The following FAM20C variants were observed in gnomAD, a reference collection of about 807,000 sequenced individuals.
The protein encoded by FAM20C is extracellular serine/threonine protein kinase FAM20C.
A neutral mutation model predicts 51.5 loss-of-function variants in FAM20C; 40 were observed. That is an observed-to-expected ratio of 0.78 (90% confidence interval 0.60 to 1.01). FAM20C has a LOEUF of 1.01. Ranked by LOEUF, FAM20C falls within the 50% of genes least tolerant of loss-of-function variation. The pLI is 0.00. For synonymous variants in FAM20C, 406 were observed against 380.6 expected, an observed-to-expected ratio of 1.07 and a Z score of -0.78; for missense variants, 861 against 844.7, an observed-to-expected ratio of 1.02 and a Z score of -0.24.
chr7:247,430 C>T (rs942411129), intron 4 of FAM20C, among the ~76,000 whole-genome samples: 41 of 152,294 alleles, frequency 2.7e-4, no homozygotes, highest in African/African-American at 9.1e-4. Context: ...GCCTGGGGTG[C>T]GGCCCCAGGG....
At chr7:233,616 C>G (rs1393100567) in intron 3 of FAM20C, among the ~76,000 whole-genome samples, 2 of 152,180 alleles carry the variant, frequency 1.3e-5, no homozygotes, top group African/African-American at 4.8e-5. Context: ...GGTCCCTCCT[C>G]CATCCTGAGA....
At chr7:222,809 A>G (rs28729694) in intron 3 of FAM20C, among the ~76,000 whole-genome samples, 132,926 of 152,000 alleles carry the variant, frequency 0.87, 58,398 homozygotes, top group South Asian at 0.92. Context: ...CTGTGTATGC[A>G]TGTGTATGAG....
At position 193,301 on chromosome 7, in the gene FAM20C, G is replaced by T. The variant is rs1222374540; in HGVS notation, c.102G>T (p.Glu34Asp). Residue 34 changes from glutamate to aspartate, a missense_variant, in exon 1 of 10, where the codon GAG becomes GAT. Transcript: ENST00000313766. ...CCCTGGACCTGCTGCCCAGGCTGGA[G>T]CGACGCGGCGCGCGGCCCTCGGGGG... ...HIALDLLPRL[E>D]RRGARPSGEP... The T allele has an allele frequency of 7.1e-7, 1 of 1,411,378 alleles. No individual in the cohort carries two copies. The highest frequency in any genetic ancestry group is 2.5e-5 in the Admixed American group (1 of 40,816). The allele number at this position is 1,411,378 out of a possible 1,614,324, so 87.4% of individuals were successfully genotyped here.
In FAM20C at chr7:209,975, C is replaced by G. The variant is rs143304143; in HGVS notation, c.863+999C>G. Among the ~76,000 whole-genome samples, 374 of 152,166 alleles carry G rather than the reference C, an allele frequency of 2.5e-3. 1 individual carries two copies. Among genetic ancestry groups the G allele is most frequent in the African/African-American group, 8.3e-3 (344 of 41,514 alleles). On this transcript the variant is annotated intron_variant, in intron 3 of 9. Coordinates refer to ENST00000313766, the MANE Select transcript of FAM20C (RefSeq NM_020223.4). ...AGGTGGCCCTGCCCCGGTCTTCCCC[C>G]AAGACCCACGAGTCCTGCCTCAGAC...
chr7:252,624 T>G (rs150710901), intron 5 of FAM20C, among the ~76,000 whole-genome samples: 1 of 152,126 alleles, frequency 6.6e-6, no homozygotes, highest in African/African-American at 2.4e-5. Flanking sequence ...AAAGGGAAAA[T>G]CCCATCAGCC....
chr7:244,418 C>G (rs980738667), intron 3 of FAM20C, among the ~76,000 whole-genome samples: 21 of 152,200 alleles, frequency 1.4e-4, no homozygotes, highest in Admixed American at 1.4e-3. Context: ...CTGACTGCAG[C>G]GGACCATTTG....
At chr7:209,701 G>A (rs28726090) in intron 3 of FAM20C, among the ~76,000 whole-genome samples, 31,737 of 152,186 alleles carry the variant, frequency 0.21, 4,086 homozygotes, top group African/African-American at 0.35. Context: ...CCAGCGGCCT[G>A]TCAGCTCACT....
At position 260,004 on chromosome 7, in the gene FAM20C, CG is replaced by C. The variant is rs1562403471; in HGVS notation, c.*27del. ...AGTGTCCGCCGGCCGCTGCGCTGCC[CG>C]GGACGGAGACAGAGGCGCCGGACCT... On this transcript the variant is annotated 3_prime_UTR_variant, in exon 10 of 10. Transcript: ENST00000313766. 1.3e-6 allele frequency: 2 copies of C among 1,489,946 alleles called. No individual in the cohort carries two copies. The highest frequency in any genetic ancestry group is 1.8e-6 in the Non-Finnish European group (2 of 1,116,844). The allele number at this position is 1,489,946 out of a possible 1,614,324, so 92.3% of individuals were successfully genotyped here.
intron 5 of FAM20C, 104 bp from the exon 6 acceptor site, chr7:255,745 G>A: frequency 1.6e-6 from 2 of 1,268,534 alleles, no homozygotes; most frequent in South Asian, 2.6e-5. Context: ...TCCTGCCCAT[G>A]AGAAGCACCA....
chr7:256,351 C>T (rs986506047), intron 6 of FAM20C: 17 of 568,112 alleles, frequency 3.0e-5, no homozygotes, highest in Admixed American at 9.5e-5. Flanking sequence ...CTGTTCTTTC[C>T]GCCCCACGTT....
Position 256,772 on chromosome 7 carries a change from C to T in FAM20C, c.1363+9C>T, listed in dbSNP as rs1013056971. 3.9e-5 allele frequency: 60 copies of T among 1,534,928 alleles called. No homozygotes were observed. The highest frequency in any genetic ancestry group is 5.5e-5 in the African/African-American group (4 of 73,040). The stretch of plus-strand genomic sequence containing the variant: ...CTTCGACTTCCTCATGGGTACGTCC[C>T]GCAGGGGCACGGGGTCCCCGTGTCA... On this transcript the variant is annotated intron_variant, in intron 7 of 9. Transcript: ENST00000313766.
At chr7:214,743 C>T (rs770677866) in intron 3 of FAM20C, among the ~76,000 whole-genome samples, 4 of 152,302 alleles carry the variant, frequency 2.6e-5, no homozygotes, top group Non-Finnish European at 5.9e-5. Context: ...GGCTTTCCAG[C>T]TTGGAGAAGT....
intron 1 of FAM20C, 49 bp from the exon 2 acceptor site, chr7:195,505 A>C: frequency 7.1e-7 from 1 of 1,404,460 alleles, no homozygotes; most frequent in Non-Finnish European, 9.3e-7. Context: ...CATCCGACTC[A>C]CGGGCCTGTT....
intron 1 of FAM20C, chr7:195,093 CTGGGGAAG>C (rs1785787498): frequency 6.3e-6 from 1 of 158,612 alleles, no homozygotes; most frequent in Non-Finnish European, 1.4e-5. Context: ...AAGCAGAGAG[CTGGGGAAG>C]GTTCCTGACA....
chr7:222,049 G>A (rs1787251704), intron 3 of FAM20C, among the ~76,000 whole-genome samples: 1 of 102,428 alleles, frequency 9.8e-6, no homozygotes, highest in South Asian at 2.9e-4. Flanking sequence ...ACAGGGCGGA[G>A]CCTCGTCTCC....
At chr7:233,946 T>TG (rs1446588439) in intron 3 of FAM20C, among the ~76,000 whole-genome samples, 2 of 152,114 alleles carry the variant, frequency 1.3e-5, no homozygotes, top group Non-Finnish European at 2.9e-5. Context: ...TGGCCAGCTC[T>TG]GGGGGGAGGG....
chr7:253,496 T>C (rs1338540545), intron 5 of FAM20C, among the ~76,000 whole-genome samples: 1 of 152,224 alleles, frequency 6.6e-6, no homozygotes, highest in African/African-American at 2.4e-5. Context: ...TTGCTGTTTG[T>C]GTCTTTTATT....
intron 4 of FAM20C, among the ~76,000 whole-genome samples, chr7:247,397 C>G (rs542259499): frequency 1.3e-5 from 2 of 152,166 alleles, no homozygotes; most frequent in Non-Finnish European, 2.9e-5. Context: ...CCTGCCTGCC[C>G]TGCACGGCCC....
At chr7:199,290 C>T (rs1786024832) in intron 2 of FAM20C, among the ~76,000 whole-genome samples, 1 of 152,230 alleles carries the variant, frequency 6.6e-6, no homozygotes, top group Non-Finnish European at 1.5e-5. Context: ...CCAAGCCAAT[C>T]AGGCAGGTTT....
Sources: allele counts gnomAD v4.1 joint callset (sites outside exome capture counted in the v4.1 genomes callset), GRCh38; gene constraint gnomAD v4.1.1; transcripts MANE v1.5; gene names NCBI Gene and HGNC (gene_info 2026-07-23, HGNC 2026-07-21).